The following NKD1 variants were observed in gnomAD, a reference collection of about 807,000 sequenced individuals.
NKD1 encodes NKD inhibitor of Wnt signaling pathway 1.
NKD1 carries 21 observed loss-of-function variants against 56.0 expected under a neutral mutation model. That is an observed-to-expected ratio of 0.38 (90% CI 0.27 to 0.54). The LOEUF is 0.54. Ranked by LOEUF, NKD1 falls within the 20% of genes least tolerant of loss-of-function variation. The pLI, the probability that NKD1 is intolerant of heterozygous loss-of-function variation, is 0.82. For synonymous variants in NKD1, 263 were observed against 265.7 expected, an observed-to-expected ratio of 0.99 and a Z score of 0.10; for missense variants, 578 against 642.7, an observed-to-expected ratio of 0.90 and a Z score of 1.09.
intron 3 of NKD1, chr16:50,575,393 G>A: frequency 1.0e-6 from 1 of 965,476 alleles, no homozygotes; most frequent in Non-Finnish European, 1.2e-6. Context: ...GAGGGTAATT[G>A]TATTTTCGGG....
At chr16:50,611,208 C>G (rs1293275873) in intron 4 of NKD1, among the ~76,000 whole-genome samples, 1 of 152,232 alleles carries the variant, frequency 6.6e-6, no homozygotes, top group Non-Finnish European at 1.5e-5. Context: ...CTCCCTCTCT[C>G]CAGGTCCCCC....
At chr16:50,549,653 C>A (rs930717450) in intron 3 of NKD1, 98 bp downstream of exon 3, 2 of 1,196,728 alleles carry the variant, frequency 1.7e-6, no homozygotes, top group Non-Finnish European at 2.3e-6. Flanking sequence ...CTTTCCTGCA[C>A]AGCTTCTGGG....
At chr16:50,600,148 C>G (rs1456991586) in intron 3 of NKD1, among the ~76,000 whole-genome samples, 1 of 151,952 alleles carries the variant, frequency 6.6e-6, no homozygotes, top group Non-Finnish European at 1.5e-5. Context: ...GGTTGATGTC[C>G]TATTGAGGGG....
At chr16:50,552,218 G>A (rs1410994191) in intron 3 of NKD1, 1 of 152,220 alleles carries the variant, frequency 6.6e-6, no homozygotes, top group Non-Finnish European at 1.5e-5. Context: ...GTGCCTATAT[G>A]TGTCAAGCAC....
rs763098646 is a variant in NKD1 at position 50,641,076 on chromosome 16, G to T, written c.*7295G>T. On this transcript the variant is annotated 3_prime_UTR_variant, in exon 10 of 10. Transcript: ENST00000268459. ...CCTTTTTCCAGTCATGGCCTCAGCT[G>T]TCTGCAAAGGACTTGGGGGAGGCTG... 6.6e-6 allele frequency: 1 copy of T among 152,418 alleles called. No homozygotes were observed. Among genetic ancestry groups the T allele is most frequent in the Non-Finnish European group, 1.5e-5 (1 of 68,090 alleles). 9.4% of individuals were successfully genotyped at this position (152,418 alleles called of 1,614,324 possible). A position where few individuals can be genotyped will look rare whatever the true frequency, so the allele number is the denominator to read the frequency against.
chr16:50,565,107 G>A (rs898418024), intron 3 of NKD1, among the ~76,000 whole-genome samples: 7 of 152,354 alleles, frequency 4.6e-5, no homozygotes, highest in South Asian at 2.1e-4. Context: ...TGGGTGTGGT[G>A]GCTCATGCCT....
chr16:50,555,536 G>A (rs151039358), intron 3 of NKD1: 1,613 of 152,694 alleles, frequency 0.011, 33 homozygotes, highest in African/African-American at 0.037. Flanking sequence ...TAGCTGTCAG[G>A]GCTGCGGAGG....
chr16:50,549,428 G>T lies in NKD1; in HGVS notation c.65G>T (p.Ser22Ile). 6.2e-7 allele frequency: 1 copy of T among 1,611,306 alleles called. No individual in the cohort carries two copies. Among genetic ancestry groups the T allele is most frequent in the South Asian group, 1.1e-5 (1 of 90,962 alleles). The change falls in exon 3 of 10, where the codon AGC (serine) becomes ATC (isoleucine). Residue 22 changes from serine (S) to isoleucine (I), a missense_variant. Physicochemically the swap from Ser to Ile is moderately radical, Grantham distance 142 (BLOSUM62 -2). Coordinates refer to ENST00000268459, the MANE Select transcript of NKD1 (RefSeq NM_033119.5). Reference sequence around the variant, plus strand: ...CATGTCGTCCCCGTCCCAGGTGACAGCTTCGCCGTGAGCGCTGCCTGGGCT... The same window carrying T: ...CATGTCGTCCCCGTCCCAGGTGACATCTTCGCCGTGAGCGCTGCCTGGGCT... ...CKRRESPEGD[S>I]FAVSAAWARK...
At chr16:50,599,051 G>A (rs545181590) in intron 3 of NKD1, among the ~76,000 whole-genome samples, 5 of 152,206 alleles carry the variant, frequency 3.3e-5, no homozygotes, top group African/African-American at 9.6e-5. Flanking sequence ...TCCGACAAGC[G>A]CTGAGTGCAC....
rs1053523077 is a variant in NKD1, at chr16:50,644,167, G to A, written c.*10386G>A. 6.6e-6 allele frequency: 1 copy of A among 152,254 alleles called. No homozygotes were observed. The highest frequency in any genetic ancestry group is 1.5e-5 in the Non-Finnish European group (1 of 68,042). The allele number at this position is 152,254 out of a possible 1,614,324, so 9.4% of individuals were successfully genotyped here. A position where few individuals can be genotyped will look rare whatever the true frequency, so the allele number is the denominator to read the frequency against. Reference sequence around the variant, plus strand: ...CCATGAGTATTGATTTTGGGTGATAGACAAATTTTAGTGAATAGGCAATTT... The same window carrying A: ...CCATGAGTATTGATTTTGGGTGATAAACAAATTTTAGTGAATAGGCAATTT... On this transcript the variant is annotated 3_prime_UTR_variant, in exon 10 of 10. Coordinates refer to ENST00000268459, the MANE Select transcript of NKD1 (RefSeq NM_033119.5).
rs959661744 is a variant in NKD1, at chr16:50,568,702, C to T, written c.192+19147C>T. Among the ~76,000 whole-genome samples the T allele has an allele frequency of 1.4e-4, 22 of 152,178 alleles. 1 individual carries two copies. The highest frequency in any genetic ancestry group is 3.4e-3 in the Middle Eastern group (1 of 294). On this transcript the variant is annotated intron_variant, in intron 3 of 9. Transcript: ENST00000268459. ...CTTAGCAGGTTGGAGATTTATGGGCCTCATTCTTTGAGCTCCAGTCAGCAC... is the reference window on the plus strand; with the variant it reads ...CTTAGCAGGTTGGAGATTTATGGGCTTCATTCTTTGAGCTCCAGTCAGCAC...
intron 3 of NKD1, among the ~76,000 whole-genome samples, chr16:50,594,642 C>T (rs533375332): frequency 6.6e-6 from 1 of 152,306 alleles, no homozygotes; most frequent in East Asian, 1.9e-4. Context: ...CTGAGTTTGT[C>T]GTGACAGGAG....
chr16:50,580,454 T>G (rs941573488), intron 3 of NKD1, among the ~76,000 whole-genome samples: 2 of 152,202 alleles, frequency 1.3e-5, no homozygotes, highest in African/African-American at 2.4e-5. Context: ...GTACACACGC[T>G]CAGTGAATGC....
chr16:50,565,446 G>C (rs1188954264), intron 3 of NKD1, among the ~76,000 whole-genome samples: 1 of 152,082 alleles, frequency 6.6e-6, no homozygotes, highest in Non-Finnish European at 1.5e-5. Flanking sequence ...TGGGAGGCCA[G>C]AGTGGGAGGA....
intron 5 of NKD1, chr16:50,625,080 G>A (rs936505918): frequency 2.2e-5 from 5 of 225,260 alleles, no homozygotes; most frequent in South Asian, 1.9e-4. Context: ...ACCGACACCC[G>A]AACCCCTCAT....
rs1008674283 is a variant in NKD1 at position 50,548,539 on chromosome 16, C to G, written c.-15C>G. 1.4e-5 allele frequency: 21 copies of G among 1,464,458 alleles called. No homozygotes were observed. The highest frequency in any genetic ancestry group is 1.9e-5 in the Non-Finnish European group (21 of 1,113,492). 90.7% of individuals were successfully genotyped at this position (1,464,458 alleles called of 1,614,324 possible). A position where few individuals can be genotyped will look rare whatever the true frequency, so the allele number is the denominator to read the frequency against. The stretch of plus-strand genomic sequence containing the variant: ...CGCATGGCTTAGGGACGCTCCCGGC[C>G]GCCGCAGCCCCAGCATGGGGAAACT... On this transcript the variant is annotated 5_prime_UTR_variant, in exon 1 of 10. Coordinates refer to ENST00000268459, the MANE Select transcript of NKD1 (RefSeq NM_033119.5).
intron 4 of NKD1, among the ~76,000 whole-genome samples, chr16:50,609,985 A>G (rs934876358): frequency 1.3e-5 from 2 of 152,182 alleles, no homozygotes; most frequent in African/African-American, 4.8e-5. Flanking sequence ...AGCTCTTTCC[A>G]AACATGGGAG....
chr16:50,644,477 T>C lies in NKD1; in HGVS notation c.*10696T>C, dbSNP rs766262028. 2 of 152,244 alleles carry C rather than the reference T, an allele frequency of 1.3e-5. No individual in the cohort carries two copies. The highest frequency in any genetic ancestry group is 4.8e-5 in the African/African-American group (2 of 41,474). 9.4% of individuals were successfully genotyped at this position (152,244 alleles called of 1,614,324 possible). ...ACAGATGGGAAAAGGGGCACCCCTC[T>C]TGCGGGTTCCTGATGCTGAGAGTTG... On this transcript the variant is annotated 3_prime_UTR_variant, in exon 10 of 10. Coordinates refer to ENST00000268459, the MANE Select transcript of NKD1 (RefSeq NM_033119.5).
At chr16:50,602,899 A>G (rs11642424) in intron 3 of NKD1, among the ~76,000 whole-genome samples, 18,346 of 152,244 alleles carry the variant, frequency 0.12, 2,215 homozygotes, top group African/African-American at 0.31. Context: ...TCCTGACTGC[A>G]GGTTAACAGG....
Sources: allele counts gnomAD v4.1 joint callset (sites outside exome capture counted in the v4.1 genomes callset), GRCh38; gene constraint gnomAD v4.1.1; transcripts MANE v1.5; gene names NCBI Gene and HGNC (gene_info 2026-07-23, HGNC 2026-07-21).